Variants in TNIP2 observed in about 807,000 individuals in gnomAD.
TNIP2 encodes the protein TNFAIP3 interacting protein 2.
Under a neutral mutation model 43.7 loss-of-function variants are expected in TNIP2, and 30 were observed. The ratio of observed to expected loss-of-function variants is 0.69; its 90% CI spans 0.51 to 0.93. TNIP2 has a LOEUF of 0.93. TNIP2 is among the 40% of genes least tolerant of loss of function. The pLI, the probability that TNIP2 is intolerant of heterozygous loss-of-function variation, is 0.00. For missense variants in TNIP2, 599 were observed against 591.0 expected (o/e 1.01, Z -0.14); for synonymous variants, 260 against 254.6 (o/e 1.02, Z -0.20).
chr4:2,755,876 C>T (rs1577314632), intron 1 of TNIP2, 138 bp downstream of exon 1: 1 of 1,236,312 alleles, frequency 8.1e-7, no homozygotes, highest in Non-Finnish European at 1.0e-6. Flanking sequence ...CCCTCAGGAC[C>T]CGAGGCCAAC....
Position 2,747,964 on chromosome 4 carries a change from A to G in TNIP2, c.277-19T>C. Reference sequence around the variant, plus strand: ...CAATTTCCTAAGTGGAAGATTTAAAAGCACAGTTTACTGAATTAAAAGAAG... The same window carrying G: ...CAATTTCCTAAGTGGAAGATTTAAAGGCACAGTTTACTGAATTAAAAGAAG... On this transcript the variant is annotated intron_variant, in intron 1 of 5. Coordinates refer to ENST00000315423, the MANE Select transcript of TNIP2 (RefSeq NM_024309.4). 6.2e-7 allele frequency: 1 copy of G among 1,605,590 alleles called. No homozygotes were observed. Among genetic ancestry groups the G allele is most frequent in the Middle Eastern group, 1.7e-4 (1 of 6,050 alleles).
intron 1 of TNIP2, among the ~76,000 whole-genome samples, chr4:2,749,449 G>T (rs1722046767): frequency 1.3e-5 from 2 of 152,354 alleles, no homozygotes; most frequent in African/African-American, 4.8e-5. Context: ...TTAAGGTGGG[G>T]ACAAAATGGA....
At chr4:2,746,810 C>T (rs1433054705) in intron 2 of TNIP2, among the ~76,000 whole-genome samples, 2 of 152,260 alleles carry the variant, frequency 1.3e-5, no homozygotes, top group Non-Finnish European at 2.9e-5. Context: ...CCCCTGCCTG[C>T]CACACACAGA....
At chr4:2,743,307 G>C (rs1004487656) in intron 5 of TNIP2, among the ~76,000 whole-genome samples, 4 of 150,420 alleles carry the variant, frequency 2.7e-5, no homozygotes, top group African/African-American at 1.0e-4. Context: ...CTTTACCCCC[G>C]GGGGTAAGAA....
At position 2,754,704 on chromosome 4, in the gene TNIP2, C is replaced by T. The variant is rs1030795334; in HGVS notation, c.276+1310G>A. Among the ~76,000 whole-genome samples the T allele has an allele frequency of 3.3e-5, 5 of 152,230 alleles. No individual in the cohort carries two copies. In the South Asian group the frequency reaches 8.3e-4, roughly 25 times the overall value. Reference sequence around the variant, plus strand: ...TGCTGGGATTACAGGCATGAGCCACCGCGTCCGGACCCTTGTGTCCATTTT... The same window carrying T: ...TGCTGGGATTACAGGCATGAGCCACTGCGTCCGGACCCTTGTGTCCATTTT... On this transcript the variant is annotated intron_variant, in intron 1 of 5. Transcript: ENST00000315423.
At chr4:2,743,842 GTCACAC>G (rs1384483729) in intron 5 of TNIP2, among the ~76,000 whole-genome samples, 1 of 152,174 alleles carries the variant, frequency 6.6e-6, no homozygotes. Context: ...GAGGCCATGG[GTCACAC>G]ACTGAGGAAC....
At chr4:2,752,775 G>T (rs1722134874) in intron 1 of TNIP2, among the ~76,000 whole-genome samples, 1 of 152,194 alleles carries the variant, frequency 6.6e-6, no homozygotes. Flanking sequence ...CCAGCACAGT[G>T]GCTCACGCCT....
chr4:2,747,105 C>T (rs1014246366), intron 2 of TNIP2, among the ~76,000 whole-genome samples: 1 of 152,256 alleles, frequency 6.6e-6, no homozygotes, highest in African/African-American at 2.4e-5. Context: ...TCCAAGCTTG[C>T]GGGAGGCCGT....
In TNIP2 at chr4:2,752,192, G is replaced by A. The variant is rs1481265343; in HGVS notation, c.276+3822C>T. 2.0e-5 allele frequency among the ~76,000 whole-genome samples: 3 copies of A among 152,232 alleles called. No homozygotes were observed. In the East Asian group the frequency reaches 5.8e-4, roughly 29 times the overall value. ...GAGCCAAGAAAACAAGCAAAGCAAA[G>A]CTAAGCTAAGCCGGAAGGGAAAGGG... On this transcript the variant is annotated intron_variant, in intron 1 of 5. Coordinates refer to ENST00000315423, the MANE Select transcript of TNIP2 (RefSeq NM_024309.4).
rs1455500595 is a variant in TNIP2, at chr4:2,742,035, A to AC, written c.*221dup. 3.7e-5 allele frequency: 15 copies of AC among 406,298 alleles called. No homozygotes were observed. The East Asian group carries it at 5.5e-4, about 15-fold the overall frequency. The allele number at this position is 406,298 out of a possible 1,614,324, so 25.2% of individuals were successfully genotyped here. ...GACCTCCCTCTGCCAGATGTTCCTG[A>AC]CCCCATCTCCACCTCCAGCCTCCAG... On this transcript the variant is annotated 3_prime_UTR_variant, in exon 6 of 6. Transcript: ENST00000315423.
chr4:2,753,773 C>A (rs1722158759), intron 1 of TNIP2, among the ~76,000 whole-genome samples: 1 of 152,240 alleles, frequency 6.6e-6, no homozygotes, highest in Non-Finnish European at 1.5e-5. Flanking sequence ...ACTCTAAAAC[C>A]TGTTGGTGCA....
chr4:2,744,578 A>T lies in TNIP2; in HGVS notation c.907-72T>A, dbSNP rs2109479635. On this transcript the variant is annotated intron_variant, in intron 4 of 5. Transcript: ENST00000315423. This position sits in a 1 kb window ranked among gnomAD's most constrained non-coding sequence, Gnocchi z 5.1. The stretch of plus-strand genomic sequence containing the variant: ...GCCCCACCAGGCTTCTCCCACCCCC[A>T]CAGTGACCACTGCCCACTCAGTGCC... 1 of 1,603,342 alleles carries T rather than the reference A, an allele frequency of 6.2e-7. No homozygotes were observed. Among genetic ancestry groups the T allele is most frequent in the South Asian group, 1.1e-5 (1 of 90,574 alleles).
chr4:2,754,634 T>C (rs1437155355), intron 1 of TNIP2, among the ~76,000 whole-genome samples: 1 of 152,250 alleles, frequency 6.6e-6, no homozygotes, highest in Non-Finnish European at 1.5e-5. Flanking sequence ...GCCAGGATGG[T>C]CTCAATCTCC....
intron 1 of TNIP2, among the ~76,000 whole-genome samples, chr4:2,753,175 A>G (rs1004312110): frequency 1.3e-5 from 2 of 152,244 alleles, no homozygotes; most frequent in African/African-American, 4.8e-5. Flanking sequence ...GTGGTGGCTC[A>G]TGCCTGTAAT....
Position 2,744,519 on chromosome 4 carries a change from G to A in TNIP2, c.907-13C>T, listed in dbSNP as rs563354844. 379 of 1,614,014 alleles carry A rather than the reference G, an allele frequency of 2.3e-4. 1 individual carries two copies. The South Asian group carries it at 3.9e-3, about 16-fold the overall frequency. On this transcript the variant is annotated splice_polypyrimidine_tract_variant and intron_variant, in intron 4 of 5. Coordinates refer to ENST00000315423, the MANE Select transcript of TNIP2 (RefSeq NM_024309.4). The surrounding 1 kb of genome is among the most constrained non-coding windows in gnomAD (Gnocchi z 5.1). ...TGTAAGCGAGAATCTGAAGAGAGGC[G>A]AGACACACATTTCTGCTCAAGGAAG...
intron 1 of TNIP2, among the ~76,000 whole-genome samples, chr4:2,751,591 G>A (rs530449870): frequency 1.3e-5 from 2 of 151,826 alleles, no homozygotes; most frequent in Non-Finnish European, 2.9e-5. Context: ...GCAACATGGC[G>A]AGACCTTGTC....
In TNIP2 at chr4:2,742,093, TC is replaced by T. The variant is rs1721801744; in HGVS notation, c.*163del. The T allele has an allele frequency of 3.1e-6, 2 of 636,584 alleles. No individual in the cohort carries two copies. The highest frequency in any genetic ancestry group is 4.6e-6 in the Non-Finnish European group (2 of 430,224). The allele number at this position is 636,584 out of a possible 1,614,324, so 39.4% of individuals were successfully genotyped here. A position where few individuals can be genotyped will look rare whatever the true frequency, so the allele number is the denominator to read the frequency against. ...GGCAGTTCCCTGTGACCCAGCCTGT[TC>T]CATAGCCAAAGGGACCAAAGTGAAC... On this transcript the variant is annotated 3_prime_UTR_variant, in exon 6 of 6. Coordinates refer to ENST00000315423, the MANE Select transcript of TNIP2 (RefSeq NM_024309.4).
chr4:2,749,996 A>C (rs1161694826), intron 1 of TNIP2, among the ~76,000 whole-genome samples: 1 of 152,162 alleles, frequency 6.6e-6, no homozygotes, highest in African/African-American at 2.4e-5. Flanking sequence ...TTTTTTGCAG[A>C]GACAAGGTTT....
chr4:2,747,446 T>C (rs1721977706), intron 2 of TNIP2: 1 of 589,944 alleles, frequency 1.7e-6, no homozygotes, highest in Non-Finnish European at 3.0e-6. Context: ...GGCAGTGAGG[T>C]GGCTGCCTGC....
Sources: allele counts gnomAD v4.1 joint callset (sites outside exome capture counted in the v4.1 genomes callset), GRCh38; gene constraint gnomAD v4.1.1; non-coding constraint Gnocchi (gnomAD v3.1); transcripts MANE v1.5; gene names NCBI Gene and HGNC (gene_info 2026-07-23, HGNC 2026-07-21).